Variants in SBF1 observed in about 807,000 individuals in gnomAD.
The protein encoded by SBF1 is myotubularin-related protein 5.
Under a neutral mutation model 215.8 loss-of-function variants are expected in SBF1, and 65 were observed. The observed-to-expected ratio is 0.30, with a 90% CI of 0.25 to 0.37. The LOEUF (loss-of-function observed/expected upper bound fraction) is 0.37, where lower values mean the gene tolerates loss of function less well. Among genes scored for constraint, SBF1 ranks in the 10% least tolerant of loss-of-function variants. SBF1 has a pLI of 1.00. For synonymous variants in SBF1, 1,410 were observed against 1,122.8 expected, an observed-to-expected ratio of 1.26 and a Z score of -5.11; for missense variants, 2,634 against 2,667.8, an observed-to-expected ratio of 0.99 and a Z score of 0.28.
intron 36 of SBF1, among the ~76,000 whole-genome samples, chr22:50,449,846 T>C (rs189769014): frequency 1.1e-4 from 16 of 152,248 alleles, no homozygotes; most frequent in African/African-American, 3.9e-4. Context: ...CCTCCCTCCA[T>C]ATGCAAATGA....
chr22:50,446,904 G>A lies in SBF1; in HGVS notation c.*238C>T, dbSNP rs776307439. The A allele has an allele frequency of 8.2e-6, 6 of 735,406 alleles. No individual in the cohort carries two copies. The highest frequency in any genetic ancestry group is 1.5e-5 in the Non-Finnish European group (6 of 403,344). The allele number at this position is 735,406 out of a possible 1,614,324, so 45.6% of individuals were successfully genotyped here. A position where few individuals can be genotyped will look rare whatever the true frequency, so the allele number is the denominator to read the frequency against. Reference sequence around the variant, plus strand: ...GCTGACGGGGCCGGACTATTTACAGGCCCATTGCGGGCTGTACCTTGGCCA... The same window carrying A: ...GCTGACGGGGCCGGACTATTTACAGACCCATTGCGGGCTGTACCTTGGCCA... On this transcript the variant is annotated 3_prime_UTR_variant, in exon 41 of 41. Coordinates refer to ENST00000380817, the MANE Select transcript of SBF1 (RefSeq NM_002972.4).
Position 50,474,834 on chromosome 22 carries a change from G to A in SBF1, c.7C>T (p.Arg3Trp), listed in dbSNP as rs2068122182. The A allele has an allele frequency of 3.5e-6, 5 of 1,434,388 alleles. No individual in the cohort carries two copies. Among genetic ancestry groups the A allele is most frequent in the African/African-American group, 1.5e-5 (1 of 67,030 alleles). The allele number at this position is 1,434,388 out of a possible 1,614,324, so 88.9% of individuals were successfully genotyped here. A position where few individuals can be genotyped will look rare whatever the true frequency, so the allele number is the denominator to read the frequency against. The change falls in exon 1 of 41, where the codon CGG becomes TGG. Residue 3 changes from arginine (R) to tryptophan (W), a missense_variant. Physicochemically the swap from Arg to Trp is moderately radical, Grantham distance 101 (BLOSUM62 -3). Transcript: ENST00000380817. MA[R>W]LADYFVLVAF... ...ACCAGCACGAAGTAGTCCGCGAGCC[G>A]CGCCATGGCGAGGGACGCGGGGCGG... is the stretch of plus-strand genomic sequence containing the variant.
Position 50,466,940 on chromosome 22 carries a change from T to C in SBF1, c.550-230A>G. On this transcript the variant is annotated intron_variant, in intron 5 of 40. Transcript: ENST00000380817. ...GCTGCTTTTGACTTGGGGGTAGGGA[T>C]GGGGCCTAGGTGGGCGGAAGAAACA... 1.6e-5 allele frequency: 9 copies of C among 563,030 alleles called. 1 individual carries two copies. The South Asian group carries it at 2.1e-4, about 13-fold the overall frequency. The allele number at this position is 563,030 out of a possible 1,614,324, so 34.9% of individuals were successfully genotyped here.
chr22:50,468,472 G>A lies in SBF1; in HGVS notation c.56-11C>T. ...GGCCTTCCCCACTCCCTGAGGACAA[G>A]AACAGGGGGTCAGAGCACCCAACCC... On this transcript the variant is annotated splice_polypyrimidine_tract_variant and intron_variant, in intron 1 of 40. Coordinates refer to ENST00000380817, the MANE Select transcript of SBF1 (RefSeq NM_002972.4). The A allele has an allele frequency of 6.3e-7, 1 of 1,581,980 alleles. No individual in the cohort carries two copies. Among genetic ancestry groups the A allele is most frequent in the Non-Finnish European group, 8.6e-7 (1 of 1,161,202 alleles).
rs767960380 is a variant in SBF1 at position 50,447,489 on chromosome 22, C to A, written c.5451+33G>T. On this transcript the variant is annotated intron_variant, in intron 39 of 40. Transcript: ENST00000380817. ...CCACAGAGTCAGCGGAGCCCCCTCCCCCGTGAGTCCCCCCCACCACCTGAT... is the reference window on the plus strand; with the variant it reads ...CCACAGAGTCAGCGGAGCCCCCTCCACCGTGAGTCCCCCCCACCACCTGAT... 1.9e-6 allele frequency: 3 copies of A among 1,609,590 alleles called. No homozygotes were observed. The African/African-American group carries it at 4.0e-5, about 22-fold the overall frequency.
rs1490600325 is a variant in SBF1 at position 50,459,933 on chromosome 22, A to G, written c.3491+19T>C. 5 of 1,611,648 alleles carry G rather than the reference A, an allele frequency of 3.1e-6. No individual in the cohort carries two copies. Among genetic ancestry groups the G allele is most frequent in the Admixed American group, 1.7e-5 (1 of 59,988 alleles). Reference sequence around the variant, plus strand: ...CAGTCACGTGTCCACCACCCGGGCCAGCCCTGGCCGGCCCTCACCTGCGGC... The same window carrying G: ...CAGTCACGTGTCCACCACCCGGGCCGGCCCTGGCCGGCCCTCACCTGCGGC... On this transcript the variant is annotated intron_variant, in intron 26 of 40. Coordinates refer to ENST00000380817, the MANE Select transcript of SBF1 (RefSeq NM_002972.4).
At chr22:50,470,854 G>A (rs961384784) in intron 1 of SBF1, among the ~76,000 whole-genome samples, 33 of 152,216 alleles carry the variant, frequency 2.2e-4, no homozygotes, top group Admixed American at 3.3e-4. Context: ...GGAAAGGCAG[G>A]CCATGGAGGG....
rs2066714281 is a variant in SBF1 at position 50,445,051 on chromosome 22, A to C, written c.*2091T>G. 6.5e-6 allele frequency: 1 copy of C among 152,690 alleles called. No homozygotes were observed. Among genetic ancestry groups the C allele is most frequent in the Non-Finnish European group, 1.5e-5 (1 of 68,146 alleles). 9.5% of individuals were successfully genotyped at this position (152,690 alleles called of 1,614,324 possible). Reference sequence around the variant, plus strand: ...TCTGATCACCTGACAGGGCACCCCAAACCCCCAACTCCCAATAAAAGCCGT... The same window carrying C: ...TCTGATCACCTGACAGGGCACCCCACACCCCCAACTCCCAATAAAAGCCGT... On this transcript the variant is annotated 3_prime_UTR_variant, in exon 41 of 41. Coordinates refer to ENST00000380817, the MANE Select transcript of SBF1 (RefSeq NM_002972.4).
At position 50,464,596 on chromosome 22, in the gene SBF1, T is replaced by G. The variant is rs764147010; in HGVS notation, c.1574A>C (p.Gln525Pro). Residue 525 changes from glutamine (Q) to proline (P), a missense_variant, in exon 14 of 41, where the codon CAG (glutamine) becomes CCG (proline). By Grantham distance (76) the Gln-to-Pro change is moderately conservative (BLOSUM62 -1). Transcript: ENST00000380817. ...WIVDQAAAKM[Q>P]GAPPAVKAER... The stretch of plus-strand genomic sequence containing the variant: ...GGCCTTCACAGCTGGGGGTGCACCC[T>G]GCATCTTGGCTGCAGCCTGGTCCAC... 3 of 1,611,910 alleles carry G rather than the reference T, an allele frequency of 1.9e-6. No homozygotes were observed. The highest frequency in any genetic ancestry group is 2.7e-5 in the African/African-American group (2 of 75,010).
intron 10 of SBF1, 82 bp downstream of exon 10, chr22:50,465,681 C>T: frequency 7.6e-7 from 1 of 1,317,598 alleles, no homozygotes; most frequent in Non-Finnish European, 1.0e-6. Context: ...GGGGTGGGGC[C>T]CTGTGTGTCA....
At chr22:50,455,838 A>G in intron 31 of SBF1, 1 of 487,412 alleles carries the variant, frequency 2.1e-6, no homozygotes, top group Non-Finnish European at 3.5e-6. Context: ...GTCCCTCAAG[A>G]TGCCGGTGGC....
At chr22:50,455,455 C>T (rs1603431233) in intron 32 of SBF1, 26 bp downstream of exon 32, 1 of 1,612,092 alleles carries the variant, frequency 6.2e-7, no homozygotes, top group Non-Finnish European at 8.5e-7. Context: ...GGAGCCTGGC[C>T]CACCCCAGCC....
rs528783157 is a variant in SBF1 at position 50,458,956 on chromosome 22, G to A, written c.3826+299C>T. Among the ~76,000 whole-genome samples the A allele has an allele frequency of 5.9e-5, 9 of 152,360 alleles. No homozygotes were observed. The East Asian group carries it at 7.7e-4, about 13-fold the overall frequency. On this transcript the variant is annotated intron_variant, in intron 28 of 40. Transcript: ENST00000380817. ...GTGGGAAATGGTAAGACAGAGCCGC[G>A]TAGAGGCAGCACCCGGAGGACCCTA...
rs1037569871 is a variant in SBF1, at chr22:50,456,516, G to A, written c.4062C>T (p.Ile1354=). The A allele has an allele frequency of 3.2e-6, 5 of 1,550,080 alleles. No individual in the cohort carries two copies. The highest frequency in any genetic ancestry group is 4.4e-6 in the Non-Finnish European group (5 of 1,145,266). Residue 1354 remains isoleucine, a synonymous_variant, in exon 30 of 41, where the codon ATC becomes ATT. Coordinates refer to ENST00000380817, the MANE Select transcript of SBF1 (RefSeq NM_002972.4). ...CCTTGAGCTGGGCTTTGTCCCCAAG[G>A]ATATAGAGGGCTGCTCGCTGCGGAC... is the stretch of plus-strand genomic sequence containing the variant. ...FLRPQRAALY[I]LGDKAQLKGV...
chr22:50,460,243 C>T (rs1176525311), intron 25 of SBF1, 29 bp downstream of exon 25: 3 of 1,600,148 alleles, frequency 1.9e-6, no homozygotes, highest in Non-Finnish European at 2.6e-6. Flanking sequence ...ATCCAGAGAC[C>T]ACCCAGGACT....
In SBF1 at chr22:50,455,260, T is replaced by C. The variant is rs1452316749; in HGVS notation, c.4518A>G (p.Thr1506=). 6.2e-6 allele frequency: 10 copies of C among 1,613,110 alleles called. No individual in the cohort carries two copies. The highest frequency in any genetic ancestry group is 8.5e-6 in the Non-Finnish European group (10 of 1,179,702). The stretch of plus-strand genomic sequence containing the variant: ...AGTCCAGGAACTGCAGGAAGACGGG[T>C]GTGAAGCCGCTGCTCTGCCCGGCCA... The part of the protein sequence containing the change: ...HTLAGQSSGF[T]PVFLQFLDCV... The change falls in exon 33 of 41, where the codon ACA becomes ACG. Residue 1506 remains threonine, a synonymous_variant. Coordinates refer to ENST00000380817, the MANE Select transcript of SBF1 (RefSeq NM_002972.4).
rs2067584607 is a variant in SBF1 at position 50,462,950 on chromosome 22, G to A, written c.1900-12C>T. 1 of 1,608,742 alleles carries A rather than the reference G, an allele frequency of 6.2e-7. No homozygotes were observed. The highest frequency in any genetic ancestry group is 1.7e-5 in the Admixed American group (1 of 59,378). On this transcript the variant is annotated splice_polypyrimidine_tract_variant and intron_variant, in intron 16 of 40. Transcript: ENST00000380817. The stretch of plus-strand genomic sequence containing the variant: ...AGAGAAGTGCAGTCCTGCAGGTAGA[G>A]CGAGAGACCGTCAGGACCTCTCCCC...
At position 50,447,085 on chromosome 22, in the gene SBF1, C is replaced by T. The variant is rs2066858430; in HGVS notation, c.*57G>A. The T allele has an allele frequency of 3.3e-6, 5 of 1,504,206 alleles. No homozygotes were observed. Among genetic ancestry groups the T allele is most frequent in the African/African-American group, 1.4e-5 (1 of 72,736 alleles). 93.2% of individuals were successfully genotyped at this position (1,504,206 alleles called of 1,614,324 possible). ...GTAAACATGGCCGGGGCGGCCCTGC[C>T]CACCCCTAGTGGTCGGTAACGACCG... On this transcript the variant is annotated 3_prime_UTR_variant, in exon 41 of 41. Transcript: ENST00000380817.
At chr22:50,461,439 A>T in intron 22 of SBF1, 84 bp downstream of exon 22, 1 of 1,495,048 alleles carries the variant, frequency 6.7e-7, no homozygotes, top group African/African-American at 1.4e-5. Flanking sequence ...CCCCGAGAAA[A>T]GGGAGAGGGA....
Sources: allele counts gnomAD v4.1 joint callset (sites outside exome capture counted in the v4.1 genomes callset), GRCh38; gene constraint gnomAD v4.1.1; transcripts MANE v1.5; gene names NCBI Gene and HGNC (gene_info 2026-07-23, HGNC 2026-07-21).